XKRX: variants seen among roughly 807,000 people sequenced by gnomAD.
XKRX encodes the protein XK-related protein 2.
Under a neutral mutation model 22.4 loss-of-function variants are expected in XKRX, and 11 were observed. That is an observed-to-expected ratio of 0.49 (90% CI 0.31 to 0.81). The LOEUF is 0.81. Among genes scored for constraint, XKRX ranks in the 40% least tolerant of loss-of-function variants. The probability of loss-of-function intolerance (pLI) is 0.05; values close to 1 mark genes in which losing one functional copy is unlikely to be tolerated. For missense variants in XKRX, 320 were observed against 336.5 expected, an observed-to-expected ratio of 0.95 and a Z score of 0.38; for synonymous variants, 114 against 132.2, an observed-to-expected ratio of 0.86 and a Z score of 0.94.
intron 2 of XKRX, among the ~76,000 whole-genome samples, 199 bp from the exon 3 acceptor site, chrX:100,915,282 C>T (rs1333723240): frequency 1.8e-5 from 2 of 110,672 alleles, no homozygotes; most frequent in African/African-American, 3.3e-5. Flanking sequence ...GGTATACAAA[C>T]GGCCAACAGG....
At chrX:100,957,022 A>G in the XKRX span, 22 of 1,101,145 alleles carry the variant, frequency 2.0e-5, no homozygotes, top group South Asian at 3.7e-5. Flanking sequence ...GTTGATATCT[A>G]TTTCTCAGCC....
chrX:100,916,449 G>A (rs1569454420), intron 2 of XKRX, among the ~76,000 whole-genome samples: 2 of 111,884 alleles, frequency 1.8e-5, no homozygotes, highest in African/African-American at 3.2e-5. Flanking sequence ...AGTCACTAAC[G>A]TGAGAAGAGT....
chrX:100,896,021 T>C, the XKRX span, among the ~76,000 whole-genome samples: 1 of 111,677 alleles, frequency 9.0e-6, no homozygotes, highest in Non-Finnish European at 1.9e-5. Context: ...AATAATAGGA[T>C]GTGAGCTGTG....
At chrX:100,889,387 C>T in the XKRX span, among the ~76,000 whole-genome samples, 16 of 109,001 alleles carry the variant, frequency 1.5e-4, 1 homozygote, top group Non-Finnish European at 2.5e-4. Flanking sequence ...GTTTTTTTTA[C>T]TTATTTATTT....
Position 100,922,900 on chromosome X carries a change from T to C in XKRX, c.497A>G (p.Asn166Ser), listed in dbSNP as rs146741999. The change falls in exon 2 of 3, where the codon AAT (asparagine) becomes AGT (serine). Residue 166 changes from asparagine (N) to serine (S), a missense_variant. Physicochemically the swap from Asn to Ser is conservative, Grantham distance 46. Coordinates refer to ENST00000372956, the MANE Select transcript of XKRX (RefSeq NM_212559.3). ...GATCTGTGACATACGTTTGTAGGCA[T>C]TGCGGTGCATAGCCAGGGTCCGGAT... Reference protein sequence around the residue: ...HSIRTLAMHRNAYKRMSQIQA... With the variant: ...HSIRTLAMHRSAYKRMSQIQA... 1,522 of 1,209,410 alleles carry C rather than the reference T, an allele frequency of 1.3e-3. 3 individuals are homozygous for C. The highest frequency in any genetic ancestry group is 2.4e-3 in the South Asian group (134 of 56,746).
chrX:100,954,655 A>G, the XKRX span, among the ~76,000 whole-genome samples: 1 of 112,164 alleles, frequency 8.9e-6, no homozygotes, highest in Non-Finnish European at 1.9e-5. Context: ...CAAAAAATGA[A>G]AGCAGCCCAA....
chrX:100,904,309 C>CA, the XKRX span, among the ~76,000 whole-genome samples: 540 of 109,641 alleles, frequency 4.9e-3, 6 homozygotes, highest in African/African-American at 0.017. Context: ...AAACAAAAAA[C>CA]AAAAAAAACA....
chrX:100,900,680 T>C, the XKRX span, among the ~76,000 whole-genome samples: 3 of 108,656 alleles, frequency 2.8e-5, no homozygotes, highest in Non-Finnish European at 3.8e-5. Context: ...GTCCTACTGG[T>C]TTTCAAAGAC....
At chrX:100,948,716 T>C in the XKRX span, among the ~76,000 whole-genome samples, 2 of 112,806 alleles carry the variant, frequency 1.8e-5, no homozygotes, top group East Asian at 5.6e-4. Flanking sequence ...GAGATACCCA[T>C]GTCTGCCTCC....
chrX:100,907,872 T>C, the XKRX span, among the ~76,000 whole-genome samples: 1 of 106,085 alleles, frequency 9.4e-6, no homozygotes, highest in Non-Finnish European at 2.0e-5. Flanking sequence ...ACTAGTTATA[T>C]GGAATTCATT....
At chrX:100,938,485 C>T in the XKRX span, among the ~76,000 whole-genome samples, 124 of 110,868 alleles carry the variant, frequency 1.1e-3, no homozygotes, top group African/African-American at 3.9e-3. Context: ...AAAAATTAGC[C>T]GGGCGTGGTG....
the XKRX span, among the ~76,000 whole-genome samples, chrX:100,902,876 G>A: frequency 1.8e-5 from 2 of 108,475 alleles, no homozygotes; most frequent in Non-Finnish European, 3.8e-5. Context: ...TCAGCCTCCC[G>A]AGTACCTGGA....
chrX:100,891,826 G>A, the XKRX span, among the ~76,000 whole-genome samples: 2 of 87,473 alleles, frequency 2.3e-5, no homozygotes, highest in Non-Finnish European at 4.6e-5. Context: ...ATGGTGTTGG[G>A]AAAACTGGAT....
At chrX:100,901,992 T>C in the XKRX span, among the ~76,000 whole-genome samples, 4 of 94,982 alleles carry the variant, frequency 4.2e-5, no homozygotes, top group Admixed American at 1.2e-4. Context: ...ACAGCGAAAC[T>C]CCATCTGAAA....
At chrX:100,946,294 G>C in the XKRX span, among the ~76,000 whole-genome samples, 1 of 111,160 alleles carries the variant, frequency 9.0e-6, no homozygotes, top group Admixed American at 9.6e-5. Flanking sequence ...ACATCTATAC[G>C]CTAAAGACTG....
At chrX:100,931,556 TC>T (rs914378249), upstream of XKRX, among the ~76,000 whole-genome samples, 12 of 111,385 alleles carry the variant, frequency 1.1e-4, no homozygotes, top group African/African-American at 3.3e-4. Flanking sequence ...TTCTGTCACC[TC>T]CCCAACCCTC....
At chrX:100,942,487 G>A in the XKRX span, among the ~76,000 whole-genome samples, 1 of 111,748 alleles carries the variant, frequency 8.9e-6, no homozygotes, top group African/African-American at 3.3e-5. Flanking sequence ...CAATTATTAG[G>A]TAATTGAGAA....
downstream of XKRX, chrX:100,910,683 T>A: frequency 2.2e-6 from 1 of 453,529 alleles, no homozygotes; most frequent in Non-Finnish European, 3.8e-6. Flanking sequence ...CCCCAGAGGC[T>A]GCTACTGGCA....
the XKRX span, among the ~76,000 whole-genome samples, chrX:100,942,308 A>G: frequency 8.9e-6 from 1 of 112,134 alleles, no homozygotes; most frequent in Non-Finnish European, 1.9e-5. Context: ...GGTCAAATGC[A>G]TAAAAAACAG....
Sources: gnomAD v4.1 joint callset for allele counts (sites outside exome capture counted in the v4.1 genomes callset) on GRCh38, gnomAD v4.1.1 for gene constraint, MANE v1.5 for transcripts, NCBI Gene and HGNC (gene_info 2026-07-23, HGNC 2026-07-21) for gene names.